Variants in DCTN5 observed in about 807,000 individuals in gnomAD.
DCTN5 encodes the protein dynactin subunit 5.
A neutral mutation model predicts 23.5 loss-of-function variants in DCTN5; 14 were observed. The observed-to-expected ratio is 0.60, with a 90% CI of 0.39 to 0.93. The LOEUF is 0.93. Among genes scored for constraint, DCTN5 ranks in the 40% least tolerant of loss-of-function variants. The pLI is 0.00. For synonymous variants in DCTN5, 67 were observed against 79.6 expected, an observed-to-expected ratio of 0.84 and a Z score of 0.84; for missense variants, 156 against 225.9, an observed-to-expected ratio of 0.69 and a Z score of 1.98.
intron 2 of DCTN5, among the ~76,000 whole-genome samples, chr16:23,649,837 C>CA (rs1175500177): frequency 0.025 from 1,370 of 54,874 alleles, 10 homozygotes; most frequent in Non-Finnish European, 0.035. Context: ...GACTCTGTCT[C>CA]AAAAAAAAAA....
chr16:23,675,700 GCCT>G lies in DCTN5; in HGVS notation c.*8561_*8563del, dbSNP rs1968075560. On this transcript the variant is annotated 3_prime_UTR_variant, in exon 6 of 6. Coordinates refer to ENST00000300087, the MANE Select transcript of DCTN5 (RefSeq NM_032486.4). ...ACCTGGGGAGGCTTGATCCCTGGAA[GCCT>G]CCTCTTGCTGAAGGAAAATTCCCAG... 2 of 152,290 alleles carry G rather than the reference GCCT, an allele frequency of 1.3e-5. No individual in the cohort carries two copies. The highest frequency in any genetic ancestry group is 2.1e-4 in the South Asian group (1 of 4,824). 9.4% of individuals were successfully genotyped at this position (152,290 alleles called of 1,614,324 possible).
intron 2 of DCTN5, among the ~76,000 whole-genome samples, chr16:23,657,252 T>A (rs1255764285): frequency 6.6e-6 from 1 of 152,118 alleles, no homozygotes; most frequent in East Asian, 1.9e-4. Flanking sequence ...GCCTAGGGGT[T>A]CAAGACCAGC....
intron 2 of DCTN5, chr16:23,657,592 T>C: frequency 3.4e-6 from 1 of 296,622 alleles, no homozygotes. Flanking sequence ...TGCAGGTACT[T>C]GCCACCATGT....
rs11459690 is a variant in DCTN5, at chr16:23,670,785, G to GC, written c.*3647dup. The GC allele has an allele frequency of 0.064, 9,766 of 152,196 alleles. 641 individuals carry two copies. Among genetic ancestry groups the GC allele is most frequent in the African/African-American group, 0.16 (6,699 of 41,494 alleles). 9.4% of individuals were successfully genotyped at this position (152,196 alleles called of 1,614,324 possible). On this transcript the variant is annotated 3_prime_UTR_variant, in exon 6 of 6. Coordinates refer to ENST00000300087, the MANE Select transcript of DCTN5 (RefSeq NM_032486.4). ...ACATGATAACTGAAACACTTCTAGA[G>GC]CCCCCCAGCAATGGGCTTGTGCTTT...
At position 23,674,665 on chromosome 16, in the gene DCTN5, T is replaced by C. The variant is rs898928305; in HGVS notation, c.*7521T>C. 7.9e-5 allele frequency: 12 copies of C among 152,228 alleles called. No individual in the cohort carries two copies. The highest frequency in any genetic ancestry group is 2.7e-4 in the African/African-American group (11 of 41,460). The allele number at this position is 152,228 out of a possible 1,614,324, so 9.4% of individuals were successfully genotyped here. A position where few individuals can be genotyped will look rare whatever the true frequency, so the allele number is the denominator to read the frequency against. ...AGGCTTTTCTAGTCTGCTCATTGAA[T>C]AATCAGGACAAAAGGGGTAGAAGAT... On this transcript the variant is annotated 3_prime_UTR_variant, in exon 6 of 6. Coordinates refer to ENST00000300087, the MANE Select transcript of DCTN5 (RefSeq NM_032486.4).
At position 23,657,527 on chromosome 16, in the gene DCTN5, G is replaced by A. The variant is rs1383377285; in HGVS notation, c.118-980G>A. 10 of 413,014 alleles carry A rather than the reference G, an allele frequency of 2.4e-5. No homozygotes were observed. The East Asian group carries it at 4.7e-4, about 19-fold the overall frequency. 25.6% of individuals were successfully genotyped at this position (413,014 alleles called of 1,614,324 possible). A position where few individuals can be genotyped will look rare whatever the true frequency, so the allele number is the denominator to read the frequency against. ...GCGATCTCGGCTCACTGCAACCTCC[G>A]CCTCCCAGGTTCAAGCGATTCTCCT... On this transcript the variant is annotated intron_variant, in intron 2 of 5. Transcript: ENST00000300087.
rs1967260524 is a variant in DCTN5 at position 23,641,599 on chromosome 16, G to A, written c.48+9G>A. ...CTGAGTACATCGAGACGGTGCGCGG[G>A]TCCAGATATGTATCCTCCTCTTTCC... On this transcript the variant is annotated intron_variant, in intron 1 of 5. Coordinates refer to ENST00000300087, the MANE Select transcript of DCTN5 (RefSeq NM_032486.4). 6.2e-7 allele frequency: 1 copy of A among 1,613,808 alleles called. No homozygotes were observed. Among genetic ancestry groups the A allele is most frequent in the Admixed American group, 1.7e-5 (1 of 59,976 alleles).
intron 2 of DCTN5, among the ~76,000 whole-genome samples, chr16:23,653,657 T>C (rs1204160991): frequency 6.6e-6 from 1 of 152,188 alleles, no homozygotes; most frequent in African/African-American, 2.4e-5. Flanking sequence ...GATTTCATGA[T>C]GAAGATGCCA....
At chr16:23,663,670 C>T (rs910459598) in intron 4 of DCTN5, among the ~76,000 whole-genome samples, 6 of 151,980 alleles carry the variant, frequency 3.9e-5, no homozygotes, top group Admixed American at 2.0e-4. Flanking sequence ...GAGCCGAGAT[C>T]GCGCCACTGC....
chr16:23,657,503 C>T (rs746175103), intron 2 of DCTN5: 45 of 431,398 alleles, frequency 1.0e-4, no homozygotes, highest in Non-Finnish European at 1.8e-4. Flanking sequence ...TGCAATGGCG[C>T]GATCTCGGCT....
rs549135051 is a variant in DCTN5, at chr16:23,669,199, C to A, written c.*2055C>A. On this transcript the variant is annotated 3_prime_UTR_variant, in exon 6 of 6. Transcript: ENST00000300087. ...CCTCAAAATACTTCCAGAAGAACAA[C>A]CAGATGGGAAGGACCTTGGTTGGGA... 140 of 152,550 alleles carry A rather than the reference C, an allele frequency of 9.2e-4. 1 individual carries two copies. Among genetic ancestry groups the A allele is most frequent in the African/African-American group, 3.3e-3 (135 of 41,534 alleles). The allele number at this position is 152,550 out of a possible 1,614,324, so 9.4% of individuals were successfully genotyped here. A position where few individuals can be genotyped will look rare whatever the true frequency, so the allele number is the denominator to read the frequency against.
At chr16:23,646,562 C>T in intron 2 of DCTN5, among the ~76,000 whole-genome samples, 2 of 151,950 alleles carry the variant, frequency 1.3e-5, no homozygotes, top group Admixed American at 1.3e-4. Flanking sequence ...GGTCATTGAT[C>T]CATTTTGAGT....
intron 1 of DCTN5, among the ~76,000 whole-genome samples, chr16:23,642,074 G>GGC (rs1967289636): frequency 6.6e-6 from 1 of 152,102 alleles, no homozygotes. Flanking sequence ...TGGGATTACA[G>GGC]GCGCCCGCCA....
intron 2 of DCTN5, among the ~76,000 whole-genome samples, chr16:23,653,170 G>A (rs1287275766): frequency 1.3e-5 from 2 of 152,088 alleles, no homozygotes; most frequent in Non-Finnish European, 2.9e-5. Flanking sequence ...AAAAATCAGT[G>A]TAATTGGGAT....
intron 2 of DCTN5, among the ~76,000 whole-genome samples, chr16:23,657,767 A>T (rs1256676872): frequency 6.6e-6 from 1 of 152,188 alleles, no homozygotes; most frequent in Non-Finnish European, 1.5e-5. Context: ...ATGAAATAAA[A>T]TATTTTATTG....
At chr16:23,655,094 G>A (rs1967677278) in intron 2 of DCTN5, among the ~76,000 whole-genome samples, 1 of 152,106 alleles carries the variant, frequency 6.6e-6, no homozygotes. Context: ...TTTATGTCAA[G>A]CTTTTTTCAC....
rs1967927220 is a variant in DCTN5 at position 23,667,422 on chromosome 16, GT to G, written c.*280del. Reference sequence around the variant, plus strand: ...TTATCTGTGGAACACAGAATCATCTGTTCCCAACACTCCAGCCCCTTGGTCC... The same window carrying G: ...TTATCTGTGGAACACAGAATCATCTGTCCCAACACTCCAGCCCCTTGGTCC... On this transcript the variant is annotated 3_prime_UTR_variant, in exon 6 of 6. Coordinates refer to ENST00000300087, the MANE Select transcript of DCTN5 (RefSeq NM_032486.4). The G allele has an allele frequency of 2.4e-6, 1 of 418,064 alleles. No individual in the cohort carries two copies. The highest frequency in any genetic ancestry group is 3.6e-5 in the Admixed American group (1 of 27,574). The allele number at this position is 418,064 out of a possible 1,614,324, so 25.9% of individuals were successfully genotyped here.
At chr16:23,663,157 G>A (rs1411997674) in intron 4 of DCTN5, among the ~76,000 whole-genome samples, 1 of 152,196 alleles carries the variant, frequency 6.6e-6, no homozygotes, top group Non-Finnish European at 1.5e-5. Flanking sequence ...AGATGTAGGT[G>A]TTCATCAGAA....
intron 2 of DCTN5, among the ~76,000 whole-genome samples, chr16:23,652,475 A>G (rs748972242): frequency 5.3e-5 from 8 of 152,212 alleles, no homozygotes; most frequent in Non-Finnish European, 8.8e-5. Flanking sequence ...TAAACATTTT[A>G]TTATGGAACT....
Sources: gnomAD v4.1 joint callset for allele counts (sites outside exome capture counted in the v4.1 genomes callset) on GRCh38, gnomAD v4.1.1 for gene constraint, MANE v1.5 for transcripts, NCBI Gene and HGNC (gene_info 2026-07-23, HGNC 2026-07-21) for gene names.